Variants in COPG2 observed in about 807,000 individuals in gnomAD.
COPG2 encodes the protein coat protein complex I subunit gamma 2, also known as coatomer subunit gamma-2.
In COPG2, 37 loss-of-function variants were observed where a neutral mutation model predicts 46.3. That is an observed-to-expected ratio of 0.80 (90% CI 0.61 to 1.05). The LOEUF (loss-of-function observed/expected upper bound fraction) is 1.05, where lower values mean the gene tolerates loss of function less well. Among genes scored for constraint, COPG2 ranks in the 50% least tolerant of loss-of-function variants. The probability of loss-of-function intolerance (pLI) is 0.00; values close to 1 mark genes in which losing one functional copy is unlikely to be tolerated. For synonymous variants in COPG2, 159 were observed against 129.7 expected, an observed-to-expected ratio of 1.23 and a Z score of -1.53; for missense variants, 427 against 387.8, an observed-to-expected ratio of 1.10 and a Z score of -0.85.
chr7:130,596,881 G>A (rs2116473558), intron 9 of COPG2, among the ~76,000 whole-genome samples: 1 of 152,330 alleles, frequency 6.6e-6, no homozygotes, highest in Non-Finnish European at 1.5e-5. Flanking sequence ...TCAAGGCTAT[G>A]GGTAACTCTC....
intron 9 of COPG2, among the ~76,000 whole-genome samples, chr7:130,571,940 C>T (rs1793911749): frequency 6.6e-6 from 1 of 152,004 alleles, no homozygotes; most frequent in South Asian, 2.1e-4. Flanking sequence ...ATAGCATTTG[C>T]AGCAACCAGG....
At chr7:130,594,884 G>A (rs1584990353) in intron 9 of COPG2, among the ~76,000 whole-genome samples, 1 of 152,268 alleles carries the variant, frequency 6.6e-6, no homozygotes, top group East Asian at 1.9e-4. Flanking sequence ...GTGAGGATGT[G>A]GAGAAATTGG....
At chr7:130,552,008 T>C (rs1745236013) in intron 15 of COPG2, among the ~76,000 whole-genome samples, 1 of 152,204 alleles carries the variant, frequency 6.6e-6, no homozygotes, top group Non-Finnish European at 1.5e-5. Context: ...AAATCAAATG[T>C]GACATGTACC....
intron 3 of COPG2, among the ~76,000 whole-genome samples, 158 bp from the exon 4 acceptor site, chr7:130,663,196 T>C (rs1796011912): frequency 6.6e-6 from 1 of 152,228 alleles, no homozygotes; most frequent in Non-Finnish European, 1.5e-5. Context: ...TTTTTCTGGC[T>C]TTCAATGCAT....
intron 12 of COPG2, among the ~76,000 whole-genome samples, chr7:130,556,095 G>A (rs1196149205): frequency 6.6e-6 from 1 of 152,148 alleles, no homozygotes; most frequent in East Asian, 1.9e-4. Context: ...GATAATACCT[G>A]GTCTTGCAGT....
At position 130,557,833 on chromosome 7, in the gene COPG2, AAAAAAT is replaced by A. The variant is rs1278407155; in HGVS notation, c.1129-2707_1129-2702del. ...ACTCCATCTCAAAAAAAAAAAAAAAAAAAAATCATGCAAGAATAGCCAGGAAAACAA... is the reference window on the plus strand; with the variant it reads ...ACTCCATCTCAAAAAAAAAAAAAAAACATGCAAGAATAGCCAGGAAAACAA... On this transcript the variant is annotated intron_variant, in intron 12 of 23. Coordinates refer to ENST00000425248, the MANE Select transcript of COPG2 (RefSeq NM_012133.6). Among the ~76,000 whole-genome samples, 9 of 148,080 alleles carry A rather than the reference AAAAAAT, an allele frequency of 6.1e-5. 2 individuals are homozygous for A. The highest frequency in any genetic ancestry group is 1.3e-4 in the Admixed American group (2 of 14,864).
At chr7:130,513,341 A>ATATATATATATATATATGTGTG (rs1215646008) in intron 20 of COPG2, among the ~76,000 whole-genome samples, 4 of 51,542 alleles carry the variant, frequency 7.8e-5, no homozygotes, top group African/African-American at 2.2e-4. Flanking sequence ...ATATATATAT[A>ATATATATATATATATATGTGTG]TGTGTGTGTG....
rs537794462 is a variant in COPG2 at position 130,509,223 on chromosome 7, T to A, written c.2150-564A>T. 3 of 494,368 alleles carry A rather than the reference T, an allele frequency of 6.1e-6. No individual in the cohort carries two copies. The East Asian group carries it at 1.7e-4, about 28-fold the overall frequency. The allele number at this position is 494,368 out of a possible 1,614,324, so 30.6% of individuals were successfully genotyped here. ...GTAGGTCAGTAATGAGTTTCTAGTATTGGTAAAGTCAGTGTCTTAAATGGA... is the reference window on the plus strand; with the variant it reads ...GTAGGTCAGTAATGAGTTTCTAGTAATGGTAAAGTCAGTGTCTTAAATGGA... On this transcript the variant is annotated intron_variant, in intron 20 of 23. Coordinates refer to ENST00000425248, the MANE Select transcript of COPG2 (RefSeq NM_012133.6).
intron 9 of COPG2, among the ~76,000 whole-genome samples, chr7:130,600,390 A>G (rs1395574752): frequency 6.6e-6 from 1 of 152,114 alleles, no homozygotes; most frequent in African/African-American, 2.4e-5. Context: ...CCTCCCAAGT[A>G]GCTGGGACTA....
intron 20 of COPG2, among the ~76,000 whole-genome samples, chr7:130,510,626 A>G (rs1190388032): frequency 6.6e-6 from 1 of 152,192 alleles, no homozygotes; most frequent in East Asian, 1.9e-4. Context: ...GGAGGTAAAG[A>G]CAGAAGACAC....
chr7:130,532,827 T>C (rs1191419517), intron 20 of COPG2, among the ~76,000 whole-genome samples: 1 of 152,104 alleles, frequency 6.6e-6, no homozygotes, highest in South Asian at 2.1e-4. Context: ...CAGAGATGAC[T>C]GCATCTGGTG....
chr7:130,509,753 G>C (rs781969496), intron 20 of COPG2: 2 of 518,736 alleles, frequency 3.9e-6, no homozygotes, highest in East Asian at 1.1e-4. Context: ...TGTGGGCTGT[G>C]TGTGTGTGTG....
At chr7:130,648,296 A>G (rs949832091) in intron 5 of COPG2, among the ~76,000 whole-genome samples, 7 of 152,202 alleles carry the variant, frequency 4.6e-5, no homozygotes, top group African/African-American at 1.7e-4. Context: ...GTAGATTAGA[A>G]GTCCAACATA....
At chr7:130,649,703 T>C (rs782321218) in intron 5 of COPG2, among the ~76,000 whole-genome samples, 11 of 152,338 alleles carry the variant, frequency 7.2e-5, no homozygotes, top group Admixed American at 2.6e-4. Context: ...CTAAGTCTAA[T>C]AGAGTCATTA....
chr7:130,632,767 T>TTA (rs1795255567), intron 5 of COPG2, among the ~76,000 whole-genome samples: 1 of 152,162 alleles, frequency 6.6e-6, no homozygotes, highest in African/African-American at 2.4e-5. Context: ...TATTATACTT[T>TTA]AAGTTCTGGG....
At chr7:130,657,848 C>A (rs1012930674) in intron 4 of COPG2, among the ~76,000 whole-genome samples, 9 of 152,176 alleles carry the variant, frequency 5.9e-5, no homozygotes, top group South Asian at 2.1e-4. Flanking sequence ...CCATTATACA[C>A]CTATCAGAAT....
chr7:130,617,073 A>G lies in COPG2; in HGVS notation c.324-8T>C. On this transcript the variant is annotated splice_polypyrimidine_tract_variant and splice_region_variant and intron_variant, in intron 5 of 23. Coordinates refer to ENST00000425248, the MANE Select transcript of COPG2 (RefSeq NM_012133.6). Reference sequence around the variant, plus strand: ...GTCATGTCTTTAGTCAGACTAAGAAAAATCAAATTGGTTAACATAAGATCA... The same window carrying G: ...GTCATGTCTTTAGTCAGACTAAGAAGAATCAAATTGGTTAACATAAGATCA... 1 of 1,594,098 alleles carries G rather than the reference A, an allele frequency of 6.3e-7. No homozygotes were observed. Among genetic ancestry groups the G allele is most frequent in the Non-Finnish European group, 8.6e-7 (1 of 1,164,452 alleles).
At chr7:130,654,160 A>C (rs139974594) in intron 4 of COPG2, among the ~76,000 whole-genome samples, 43 of 152,340 alleles carry the variant, frequency 2.8e-4, no homozygotes, top group Non-Finnish European at 4.9e-4. Context: ...AAGACAAACA[A>C]CACAAAATGT....
chr7:130,617,875 AG>A (rs1476945300), intron 5 of COPG2, among the ~76,000 whole-genome samples: 1 of 151,936 alleles, frequency 6.6e-6, no homozygotes, highest in African/African-American at 2.4e-5. Context: ...TCAAGGTGGG[AG>A]GATTACTTGA....
Sources: gnomAD v4.1 joint callset for allele counts (sites outside exome capture counted in the v4.1 genomes callset) on GRCh38, gnomAD v4.1.1 for gene constraint, MANE v1.5 for transcripts, NCBI Gene and HGNC (gene_info 2026-07-23, HGNC 2026-07-21) for gene names.